Variants in TXNDC16 observed in about 807,000 individuals in gnomAD.
The protein encoded by TXNDC16 is thioredoxin domain-containing protein 16.
A neutral mutation model predicts 85.6 loss-of-function variants in TXNDC16; 74 were observed. That is an observed-to-expected ratio of 0.86 (90% CI 0.72 to 1.05). The LOEUF is 1.05. Among genes scored for constraint, TXNDC16 ranks in the 50% least tolerant of loss-of-function variants. The pLI is 0.00. For synonymous variants in TXNDC16, 335 were observed against 326.5 expected (o/e 1.03, Z -0.28); for missense variants, 959 against 947.0 (o/e 1.01, Z -0.17).
intron 14 of TXNDC16, among the ~76,000 whole-genome samples, chr14:52,475,300 C>G (rs567151220): frequency 1.3e-5 from 2 of 152,228 alleles, no homozygotes; most frequent in African/African-American, 4.8e-5. Context: ...ACAATTTGAA[C>G]CAATCGAAGA....
intron 16 of TXNDC16, among the ~76,000 whole-genome samples, chr14:52,464,330 A>G (rs2035722247): frequency 6.6e-6 from 1 of 152,206 alleles, no homozygotes; most frequent in African/African-American, 2.4e-5. Context: ...AAGTTTTATG[A>G]CAAACGACAG....
intron 9 of TXNDC16, among the ~76,000 whole-genome samples, chr14:52,499,177 T>G (rs1035376961): frequency 2.0e-5 from 3 of 152,126 alleles, no homozygotes; most frequent in Non-Finnish European, 4.4e-5. Flanking sequence ...TAACTCATAA[T>G]GGATTAAATA....
chr14:52,465,155 T>A (rs2035742818), intron 16 of TXNDC16, among the ~76,000 whole-genome samples: 1 of 152,204 alleles, frequency 6.6e-6, no homozygotes, highest in Admixed American at 6.5e-5. Context: ...ATCTACTATG[T>A]GCAAACATAA....
In TXNDC16 at chr14:52,529,760, A is replaced by G. The variant is rs192052744; in HGVS notation, c.392+6959T>C. ...ATGCCTATTATATATTATATATAAT[A>G]CCTATTATATATATACCTAGTATAT... is the stretch of plus-strand genomic sequence containing the variant. On this transcript the variant is annotated intron_variant, in intron 6 of 20. Coordinates refer to ENST00000281741, the MANE Select transcript of TXNDC16 (RefSeq NM_020784.3). Among the ~76,000 whole-genome samples, 77 of 117,250 alleles carry G rather than the reference A, an allele frequency of 6.6e-4. 1 individual carries two copies. Among genetic ancestry groups the G allele is most frequent in the East Asian group, 2.0e-3 (8 of 4,042 alleles). 76.9% of individuals were successfully genotyped at this position (117,250 alleles called of 152,430 possible).
At position 52,505,712 on chromosome 14, in the gene TXNDC16, G is replaced by A. The variant is rs189931005; in HGVS notation, c.756+5528C>T. Among the ~76,000 whole-genome samples the A allele has an allele frequency of 1.5e-4, 23 of 152,148 alleles. 1 individual carries two copies. The East Asian group carries it at 3.1e-3, about 20-fold the overall frequency. ...CTACCAGAAGGCAAGAAATAACTAA[G>A]ATCAGAGCAGCAGAGCAGAACTGAA... On this transcript the variant is annotated intron_variant, in intron 9 of 20. Coordinates refer to ENST00000281741, the MANE Select transcript of TXNDC16 (RefSeq NM_020784.3).
rs927288332 is a variant in TXNDC16, at chr14:52,432,180, CTT to C, written c.*122_*123del. 23 of 789,458 alleles carry C rather than the reference CTT, an allele frequency of 2.9e-5. No homozygotes were observed. The African/African-American group carries it at 3.6e-4, about 12-fold the overall frequency. 48.9% of individuals were successfully genotyped at this position (789,458 alleles called of 1,614,324 possible). A position where few individuals can be genotyped will look rare whatever the true frequency, so the allele number is the denominator to read the frequency against. On this transcript the variant is annotated 3_prime_UTR_variant, in exon 21 of 21. Coordinates refer to ENST00000281741, the MANE Select transcript of TXNDC16 (RefSeq NM_020784.3). ...AGAAAATTTTAAATAAAATATGTGA[CTT>C]ATATTATAATTCTATTGGATGGCAC...
chr14:52,530,382 ATATAATAT>A (rs1566582368), intron 6 of TXNDC16, among the ~76,000 whole-genome samples: 1 of 26,844 alleles, frequency 3.7e-5, no homozygotes, highest in Non-Finnish European at 5.4e-5. Context: ...ATAATATTAT[ATATAATAT>A]TATAATATAA....
In TXNDC16 at chr14:52,536,718, C is replaced by G; in HGVS notation, c.392+1G>C. 5 of 1,606,944 alleles carry G rather than the reference C, an allele frequency of 3.1e-6. No homozygotes were observed. The highest frequency in any genetic ancestry group is 1.1e-5 in the South Asian group (1 of 90,040). ...AATGAATGTGTAGCCCCTGTACTTA[C>G]AAGAGAACATGGGCGACAATGGCAT... On this transcript the variant is annotated splice_donor_variant, in intron 6 of 20. Transcript: ENST00000281741. LOFTEE classifies it high-confidence loss of function.
At chr14:52,444,649 G>C (rs149883503) in intron 18 of TXNDC16, among the ~76,000 whole-genome samples, 2 of 152,042 alleles carry the variant, frequency 1.3e-5, no homozygotes, top group African/African-American at 4.8e-5. Context: ...TTTCTCCTAC[G>C]TTTCTAAGGT....
At chr14:52,507,103 AG>A (rs1447805542) in intron 9 of TXNDC16, among the ~76,000 whole-genome samples, 1 of 152,184 alleles carries the variant, frequency 6.6e-6, no homozygotes, top group Non-Finnish European at 1.5e-5. Context: ...GTATTCAATC[AG>A]GAAAAGAGGA....
In TXNDC16 at chr14:52,543,958, T is replaced by C. The variant is rs191633299; in HGVS notation, c.-74+306A>G. Among the ~76,000 whole-genome samples, 29 of 152,246 alleles carry C rather than the reference T, an allele frequency of 1.9e-4. No homozygotes were observed. In the East Asian group the frequency reaches 5.4e-3, roughly 28 times the overall value. On this transcript the variant is annotated intron_variant, in intron 2 of 20. Coordinates refer to ENST00000281741, the MANE Select transcript of TXNDC16 (RefSeq NM_020784.3). ...TTTTTAATTGGGCATTTTGTTTTTC[T>C]TTACCTATAGTTGATTATAAGAAAT...
intron 16 of TXNDC16, among the ~76,000 whole-genome samples, chr14:52,461,648 G>A (rs967473657): frequency 6.6e-6 from 1 of 152,186 alleles, no homozygotes; most frequent in Admixed American, 6.5e-5. Flanking sequence ...ACAGAAGACA[G>A]AGCTGTGAAG....
intron 16 of TXNDC16, among the ~76,000 whole-genome samples, chr14:52,458,480 T>C (rs2035583583): frequency 6.6e-6 from 1 of 152,134 alleles, no homozygotes; most frequent in East Asian, 1.9e-4. Flanking sequence ...TCGCTTGAAT[T>C]TGGGAGAAGG....
intron 7 of TXNDC16, among the ~76,000 whole-genome samples, chr14:52,515,955 T>G (rs1364671194): frequency 6.6e-6 from 1 of 152,140 alleles, no homozygotes; most frequent in Non-Finnish European, 1.5e-5. Flanking sequence ...GAGAAACTTC[T>G]TCACTATAGT....
intron 6 of TXNDC16, among the ~76,000 whole-genome samples, chr14:52,535,575 A>C (rs2037681014): frequency 6.6e-6 from 1 of 152,132 alleles, no homozygotes; most frequent in African/African-American, 2.4e-5. Flanking sequence ...TTATAACATT[A>C]AATTAGAAAA....
Position 52,537,601 on chromosome 14 carries a change from G to A in TXNDC16, c.315C>T (p.Phe105=), listed in dbSNP as rs925366804. The A allele has an allele frequency of 1.1e-4, 175 of 1,576,282 alleles. No individual in the cohort carries two copies. Among genetic ancestry groups the A allele is most frequent in the Non-Finnish European group, 1.5e-4 (171 of 1,148,010 alleles). The change falls in exon 5 of 21, where the codon TTC becomes TTT. Residue 105 remains phenylalanine, a splice_region_variant and synonymous_variant. Transcript: ENST00000281741. The part of the protein sequence containing the change: ...KEKDLMKAYL[F]KGNILLREFP... Reference sequence around the variant, plus strand: ...GCACACTCAGGAAAATAGCTTACTTGAATAAATATGCTTTCATCAAATCCT... The same window carrying A: ...GCACACTCAGGAAAATAGCTTACTTAAATAAATATGCTTTCATCAAATCCT...
intron 6 of TXNDC16, among the ~76,000 whole-genome samples, chr14:52,527,105 T>C (rs2037353991): frequency 6.6e-6 from 1 of 152,196 alleles, no homozygotes; most frequent in Non-Finnish European, 1.5e-5. Flanking sequence ...TAAATAATTG[T>C]TTCCCTGAGT....
chr14:52,488,841 A>AAAAAC (rs10646398), intron 11 of TXNDC16, among the ~76,000 whole-genome samples: 17 of 151,670 alleles, frequency 1.1e-4, no homozygotes, highest in African/African-American at 4.1e-4. Flanking sequence ...GAAAAAAAAA[A>AAAAAC]AAAAAAAACA....
At chr14:52,548,062 A>G (rs1039962293) in intron 1 of TXNDC16, among the ~76,000 whole-genome samples, 3 of 152,256 alleles carry the variant, frequency 2.0e-5, no homozygotes, top group African/African-American at 7.2e-5. Context: ...TCCCTCTGCC[A>G]TGATGACTGA....
Sources: gnomAD v4.1 joint callset for allele counts (sites outside exome capture counted in the v4.1 genomes callset) on GRCh38, gnomAD v4.1.1 for gene constraint, MANE v1.5 for transcripts, NCBI Gene and HGNC (gene_info 2026-07-23, HGNC 2026-07-21) for gene names.